Variants in HEG1 observed in about 807,000 individuals in gnomAD.
HEG1 encodes the protein heart development protein with EGF like domains 1, also known as protein HEG homolog 1.
HEG1 carries 56 observed loss-of-function variants against 125.6 expected under a neutral mutation model. That is an observed-to-expected ratio of 0.45 (90% CI 0.36 to 0.56). The LOEUF (loss-of-function observed/expected upper bound fraction) is 0.56. Ranked by LOEUF, HEG1 falls within the 20% of genes least tolerant of loss-of-function variation. HEG1 has a pLI of 0.00. For synonymous variants in HEG1, 644 were observed against 668.5 expected (o/e 0.96, Z 0.57); for missense variants, 1,523 against 1,670.0 (o/e 0.91, Z 1.53).
intron 2 of HEG1, among the ~76,000 whole-genome samples, chr3:125,027,820 T>G (rs1937440397): frequency 6.6e-6 from 1 of 152,194 alleles, no homozygotes; most frequent in South Asian, 2.1e-4. Flanking sequence ...TCCACCAGAT[T>G]GGTCCCAGAA....
In HEG1 at chr3:125,002,260, G is replaced by C. The variant is rs541273654; in HGVS notation, c.3353C>G (p.Ser1118Cys). The stretch of plus-strand genomic sequence containing the variant: ...CAAATATAATTCTGTTACTTACCTA[G>C]AGGCGTGAACTGTAGATCGGATGTA... ...PSYIRSTVHA[S>C]RESNAVVISL... Residue 1118 changes from serine (S) to cysteine (C), a missense_variant, in exon 10 of 17, where the codon TCT becomes TGT. By Grantham distance (112) the Ser-to-Cys change is moderately radical (BLOSUM62 -1). Coordinates refer to ENST00000311127, the MANE Select transcript of HEG1 (RefSeq NM_020733.2). 7 of 1,612,092 alleles carry C rather than the reference G, an allele frequency of 4.3e-6. No homozygotes were observed. The South Asian group carries it at 6.6e-5, about 15-fold the overall frequency.
intron 5 of HEG1, among the ~76,000 whole-genome samples, chr3:125,019,027 C>T (rs975980959): frequency 5.9e-5 from 9 of 152,116 alleles, no homozygotes; most frequent in Admixed American, 2.6e-4. Context: ...CCATCACACC[C>T]GGCTAATTTT....
At chr3:125,037,956 C>T (rs1340343492) in intron 1 of HEG1, among the ~76,000 whole-genome samples, 2 of 152,192 alleles carry the variant, frequency 1.3e-5, no homozygotes, top group Admixed American at 6.5e-5. Flanking sequence ...TTGTGAAAAC[C>T]AATGGAATGT....
intron 1 of HEG1, among the ~76,000 whole-genome samples, chr3:125,046,398 TACAC>T (rs10522507): frequency 0.023 from 3,211 of 141,584 alleles, 55 homozygotes; most frequent in Middle Eastern, 0.045. Context: ...TATATACACA[TACAC>T]ACACACACAC....
chr3:124,996,363 C>T (rs1439944122), intron 12 of HEG1, among the ~76,000 whole-genome samples: 1 of 152,128 alleles, frequency 6.6e-6, no homozygotes, highest in Non-Finnish European at 1.5e-5. Context: ...AAATTATAGG[C>T]GTGAGTCACC....
intron 9 of HEG1, among the ~76,000 whole-genome samples, chr3:125,003,602 C>A (rs1053890272): frequency 3.3e-5 from 5 of 152,136 alleles, no homozygotes; most frequent in Non-Finnish European, 7.3e-5. Context: ...GCCAGAGAGT[C>A]CAACAATGTG....
chr3:124,993,571 A>G (rs7648018), intron 12 of HEG1, among the ~76,000 whole-genome samples: 104,614 of 152,058 alleles, frequency 0.69, 36,053 homozygotes, highest in Middle Eastern at 0.77. Context: ...TGGATGATCC[A>G]TGGATGGCTA....
intron 12 of HEG1, among the ~76,000 whole-genome samples, chr3:124,994,908 T>G (rs1158652201): frequency 6.6e-6 from 1 of 152,218 alleles, no homozygotes; most frequent in African/African-American, 2.4e-5. Flanking sequence ...ACTCGTTCAT[T>G]CAACAGACAT....
At chr3:125,008,167 G>C (rs371281972) in intron 8 of HEG1, among the ~76,000 whole-genome samples, 14 of 152,270 alleles carry the variant, frequency 9.2e-5, no homozygotes, top group African/African-American at 2.6e-4. Flanking sequence ...GCCTCAGCCT[G>C]CCAAAGTGTT....
intron 1 of HEG1, among the ~76,000 whole-genome samples, chr3:125,038,457 G>A (rs1937566274): frequency 6.6e-6 from 1 of 152,202 alleles, no homozygotes; most frequent in African/African-American, 2.4e-5. Context: ...TCCTTGGAAA[G>A]GGATTAATAA....
chr3:125,021,554 CATAAT>C (rs1937336172), intron 3 of HEG1, among the ~76,000 whole-genome samples: 1 of 152,178 alleles, frequency 6.6e-6, no homozygotes, highest in African/African-American at 2.4e-5. Flanking sequence ...ATTAAAATCT[CATAAT>C]ATAAAATGAA....
chr3:125,011,970 T>C (rs1320563558), intron 6 of HEG1, among the ~76,000 whole-genome samples: 7 of 152,264 alleles, frequency 4.6e-5, no homozygotes, highest in Admixed American at 3.9e-4. Flanking sequence ...CAACCCTAAG[T>C]GTGATGTAAA....
chr3:124,997,906 T>C (rs1293920380), intron 11 of HEG1, 83 bp from the exon 12 acceptor site: 4 of 1,388,794 alleles, frequency 2.9e-6, no homozygotes, highest in Non-Finnish European at 3.8e-6. Flanking sequence ...TCAAAGCTCA[T>C]GTGTCTGCAT....
Position 125,005,432 on chromosome 3 carries a change from T to G in HEG1, c.3194-64A>C, listed in dbSNP as rs913660239. 4 of 860,318 alleles carry G rather than the reference T, an allele frequency of 4.6e-6. No homozygotes were observed. The East Asian group carries it at 1.1e-4, about 23-fold the overall frequency. 53.3% of individuals were successfully genotyped at this position (860,318 alleles called of 1,614,324 possible). A position where few individuals can be genotyped will look rare whatever the true frequency, so the allele number is the denominator to read the frequency against. ...AAGAACCTATGCAAGGCTGTGTGTT[T>G]GCACATCTCTGGGGTGTCCGGCTTT... On this transcript the variant is annotated intron_variant, in intron 8 of 16. Coordinates refer to ENST00000311127, the MANE Select transcript of HEG1 (RefSeq NM_020733.2).
chr3:125,006,320 T>G (rs561275057), intron 8 of HEG1, among the ~76,000 whole-genome samples: 7 of 152,234 alleles, frequency 4.6e-5, no homozygotes, highest in African/African-American at 1.7e-4. Flanking sequence ...TTTGTGCTGA[T>G]TGAGCCTGAG....
chr3:125,005,167 C>T (rs1560022601), intron 9 of HEG1, 98 bp downstream of exon 9: 4 of 709,822 alleles, frequency 5.6e-6, no homozygotes, highest in Non-Finnish European at 7.3e-6. Flanking sequence ...AGTGAAGAGC[C>T]CAGGAGACAC....
At chr3:124,997,578 GT>G in intron 12 of HEG1, 110 bp downstream of exon 12, 1 of 1,057,750 alleles carries the variant, frequency 9.5e-7, no homozygotes, top group Non-Finnish European at 1.3e-6. Context: ...GTTACCCTCA[GT>G]TTAGAATGGT....
In HEG1 at chr3:125,055,748, G is replaced by T. The variant is rs1937924228; in HGVS notation, c.143C>A (p.Ala48Glu). ...ARRALSLAPL[A>E]GAGLELQLER... The stretch of plus-strand genomic sequence containing the variant: ...CAGCTGCAGCTCCAGCCCCGCTCCC[G>T]CGAGGGGCGCCAGGCTCAGCGCGCG... The change falls in exon 1 of 17, where the codon GCG becomes GAG. Residue 48 changes from alanine to glutamate, a missense_variant. Physicochemically the swap from Ala to Glu is moderately radical, Grantham distance 107 (BLOSUM62 -1). Coordinates refer to ENST00000311127, the MANE Select transcript of HEG1 (RefSeq NM_020733.2). 9.8e-7 allele frequency: 1 copy of T among 1,017,150 alleles called. No individual in the cohort carries two copies. Among genetic ancestry groups the T allele is most frequent in the Non-Finnish European group, 1.2e-6 (1 of 852,574 alleles). The allele number at this position is 1,017,150 out of a possible 1,614,324, so 63.0% of individuals were successfully genotyped here. A position where few individuals can be genotyped will look rare whatever the true frequency, so the allele number is the denominator to read the frequency against.
chr3:125,025,182 G>A (rs1380348007), intron 3 of HEG1, among the ~76,000 whole-genome samples: 1 of 152,226 alleles, frequency 6.6e-6, no homozygotes, highest in Non-Finnish European at 1.5e-5. Context: ...TCTGGTTAGT[G>A]GGTTACCAGA....
Sources: gnomAD v4.1 joint callset for allele counts (sites outside exome capture counted in the v4.1 genomes callset) on GRCh38, gnomAD v4.1.1 for gene constraint, MANE v1.5 for transcripts, NCBI Gene and HGNC (gene_info 2026-07-23, HGNC 2026-07-21) for gene names.